The following ADCY1 variants were observed in gnomAD, a reference collection of about 807,000 sequenced individuals.
The protein encoded by ADCY1 is adenylate cyclase 1.
A neutral mutation model predicts 105.4 loss-of-function variants in ADCY1; 28 were observed. That is an observed-to-expected ratio of 0.27 (90% CI 0.20 to 0.36). The LOEUF (loss-of-function observed/expected upper bound fraction) is 0.36, where lower values mean the gene tolerates loss of function less well. ADCY1 is among the 10% of genes least tolerant of loss of function. ADCY1 has a pLI of 1.00. For missense variants in ADCY1, 977 were observed against 1,434.2 expected, an observed-to-expected ratio of 0.68 and a Z score of 5.15; for synonymous variants, 655 against 623.8, an observed-to-expected ratio of 1.05 and a Z score of -0.75.
Position 45,666,434 on chromosome 7 carries a change from C to G in ADCY1, c.1605+4220C>G, listed in dbSNP as rs1562715302. Among the ~76,000 whole-genome samples the G allele has an allele frequency of 2.6e-5, 4 of 152,174 alleles. No individual in the cohort carries two copies. The South Asian group carries it at 6.2e-4, about 24-fold the overall frequency. On this transcript the variant is annotated intron_variant, in intron 8 of 19. Coordinates refer to ENST00000297323, the MANE Select transcript of ADCY1 (RefSeq NM_021116.4). ...GTTTGCTCAGAATGATGGTTTCCAG[C>G]TTCATCCATGTCCCTACAAAGGATA...
At chr7:45,608,437 C>T (rs1177796929) in intron 2 of ADCY1, among the ~76,000 whole-genome samples, 1 of 152,156 alleles carries the variant, frequency 6.6e-6, no homozygotes, top group East Asian at 1.9e-4. Flanking sequence ...CCAAGAACCC[C>T]AATGAAAATA....
intron 14 of ADCY1, among the ~76,000 whole-genome samples, chr7:45,692,967 G>A (rs1381893403): frequency 6.6e-6 from 1 of 152,240 alleles, no homozygotes; most frequent in Non-Finnish European, 1.5e-5. Flanking sequence ...AAAGGGGTCA[G>A]TTTATCAAGA....
At chr7:45,661,978 G>A in intron 7 of ADCY1, 81 bp from the exon 8 acceptor site, 3 of 1,523,808 alleles carry the variant, frequency 2.0e-6, no homozygotes, top group Non-Finnish European at 2.7e-6. Flanking sequence ...GGCTGTGTTT[G>A]TCAGGATGGC....
chr7:45,671,283 T>C (rs1407268317), intron 8 of ADCY1, among the ~76,000 whole-genome samples: 1 of 152,050 alleles, frequency 6.6e-6, no homozygotes, highest in Non-Finnish European at 1.5e-5. Context: ...CTTTCATTGC[T>C]AAATAGTCCT....
chr7:45,632,304 G>A (rs772571066), intron 4 of ADCY1, among the ~76,000 whole-genome samples: 1 of 152,048 alleles, frequency 6.6e-6, no homozygotes, highest in African/African-American at 2.4e-5. Flanking sequence ...GGCTATTCTA[G>A]GTGCTTTGCT....
At chr7:45,627,605 G>A (rs1794098995) in intron 4 of ADCY1, among the ~76,000 whole-genome samples, 1 of 152,174 alleles carries the variant, frequency 6.6e-6, no homozygotes. Context: ...GAAGCTGGGG[G>A]ACCTCTGATG....
intron 5 of ADCY1, among the ~76,000 whole-genome samples, chr7:45,652,266 G>T (rs1281300629): frequency 6.6e-6 from 1 of 152,214 alleles, no homozygotes; most frequent in South Asian, 2.1e-4. Context: ...TGAGATTTGG[G>T]TGGGGACGTA....
At chr7:45,646,726 A>T (rs1339054206) in intron 4 of ADCY1, among the ~76,000 whole-genome samples, 2 of 152,168 alleles carry the variant, frequency 1.3e-5, no homozygotes, top group South Asian at 4.2e-4. Context: ...CTGCTGGGGG[A>T]TGAGGGCAGG....
chr7:45,596,566 A>G (rs6951344), intron 2 of ADCY1, among the ~76,000 whole-genome samples: 2,816 of 152,202 alleles, frequency 0.019, 39 homozygotes, highest in Non-Finnish European at 0.029. Flanking sequence ...TTCTGGGTCA[A>G]TGCACCCTGG....
chr7:45,683,271 A>G (rs144889844), intron 11 of ADCY1, among the ~76,000 whole-genome samples: 5 of 152,192 alleles, frequency 3.3e-5, no homozygotes, highest in East Asian at 3.9e-4. Context: ...TTTTCCAACC[A>G]TGTCTTTCCC....
rs2116307583 is a variant in ADCY1 at position 45,720,372 on chromosome 7, T to G, written c.*6377T>G. On this transcript the variant is annotated 3_prime_UTR_variant, in exon 20 of 20. Coordinates refer to ENST00000297323, the MANE Select transcript of ADCY1 (RefSeq NM_021116.4). ...CTAAAAATACAAAAAAAAAATTAGC[T>G]GGGCGTGTTGGCGGGAGCCTGTAGT... 1 of 151,724 alleles carries G rather than the reference T, an allele frequency of 6.6e-6. No individual in the cohort carries two copies. The highest frequency in any genetic ancestry group is 2.4e-5 in the African/African-American group (1 of 41,356). The allele number at this position is 151,724 out of a possible 1,614,324, so 9.4% of individuals were successfully genotyped here.
chr7:45,610,785 TGATGGTGGAGGTGGG>T (rs2115865735), intron 3 of ADCY1, among the ~76,000 whole-genome samples: 2 of 147,826 alleles, frequency 1.4e-5, no homozygotes, highest in South Asian at 2.1e-4. Context: ...GGTGTGGGGG[TGATGGTGGAGGTGGG>T]GAGGTGATGG....
At chr7:45,633,800 C>CA (rs754127020) in intron 4 of ADCY1, among the ~76,000 whole-genome samples, 2,111 of 48,132 alleles carry the variant, frequency 0.044, 67 homozygotes, top group South Asian at 0.17. Context: ...GACATCATCG[C>CA]AAAAAAAAAA....
At chr7:45,607,871 C>T (rs1398930465) in intron 2 of ADCY1, among the ~76,000 whole-genome samples, 1 of 152,136 alleles carries the variant, frequency 6.6e-6, no homozygotes, top group African/African-American at 2.4e-5. Flanking sequence ...GATTTCATGT[C>T]TTTTATTGTA....
At chr7:45,619,508 A>G (rs1378199833) in intron 3 of ADCY1, among the ~76,000 whole-genome samples, 2 of 152,162 alleles carry the variant, frequency 1.3e-5, no homozygotes, top group Non-Finnish European at 1.5e-5. Context: ...GTCAGTTAAT[A>G]TATATATGTG....
In ADCY1 at chr7:45,574,533, A is replaced by C. The variant is rs1792259601; in HGVS notation, c.-11A>C. The C allele has an allele frequency of 4.1e-6, 4 of 968,362 alleles. No homozygotes were observed. The highest frequency in any genetic ancestry group is 4.9e-6 in the Non-Finnish European group (4 of 822,694). 60.0% of individuals were successfully genotyped at this position (968,362 alleles called of 1,614,324 possible). A position where few individuals can be genotyped will look rare whatever the true frequency, so the allele number is the denominator to read the frequency against. ...GCGCGCCCGCGGCCGCGGCCGCTGC[A>C]TGGCGCTGAGATGGCGGGGGCGCCG... is the stretch of plus-strand genomic sequence containing the variant. On this transcript the variant is annotated 5_prime_UTR_variant, in exon 1 of 20. The change abolishes an upstream ATG in the 5' untranslated region. Coordinates refer to ENST00000297323, the MANE Select transcript of ADCY1 (RefSeq NM_021116.4). This position sits in a 1 kb window ranked among gnomAD's most constrained non-coding sequence, Gnocchi z 7.0.
chr7:45,659,698 CTCT>C (rs777260761), intron 6 of ADCY1, among the ~76,000 whole-genome samples: 2 of 152,214 alleles, frequency 1.3e-5, no homozygotes, highest in African/African-American at 4.8e-5. Context: ...TCTCCTCTTT[CTCT>C]TCTTCACATC....
At chr7:45,592,606 G>A (rs1451967011) in intron 1 of ADCY1, among the ~76,000 whole-genome samples, 153 bp from the exon 2 acceptor site, 6 of 152,162 alleles carry the variant, frequency 3.9e-5, no homozygotes, top group African/African-American at 7.2e-5. Context: ...GCTCCTGCCC[G>A]GCTGACTCCC....
chr7:45,658,156 G>A (rs1038180592), intron 6 of ADCY1, among the ~76,000 whole-genome samples: 12 of 152,272 alleles, frequency 7.9e-5, no homozygotes, highest in East Asian at 7.7e-4. Flanking sequence ...GAGCAGATGC[G>A]TGTGGGGACC....
Sources: gnomAD v4.1 joint callset for allele counts (sites outside exome capture counted in the v4.1 genomes callset) on GRCh38, gnomAD v4.1.1 for gene constraint, Gnocchi (gnomAD v3.1) non-coding constraint, MANE v1.5 for transcripts, NCBI Gene and HGNC (gene_info 2026-07-23, HGNC 2026-07-21) for gene names.